The following XYLT1 variants were observed in gnomAD, a reference collection of about 807,000 sequenced individuals.
XYLT1 encodes the protein beta-D-xylosyltransferase 1.
Under a neutral mutation model 91.3 loss-of-function variants are expected in XYLT1, and 36 were observed. The ratio of observed to expected loss-of-function variants is 0.39; its 90% CI spans 0.30 to 0.52. The LOEUF (loss-of-function observed/expected upper bound fraction) is 0.52, where lower values mean the gene tolerates loss of function less well. Ranked by LOEUF, XYLT1 falls within the 20% of genes least tolerant of loss-of-function variation. The probability of loss-of-function intolerance (pLI) is 0.68; values close to 1 mark genes in which losing one functional copy is unlikely to be tolerated. For synonymous variants in XYLT1, 588 were observed against 532.0 expected (o/e 1.11, Z -1.45); for missense variants, 1,242 against 1,284.5 (o/e 0.97, Z 0.51).
intron 3 of XYLT1, among the ~76,000 whole-genome samples, chr16:17,209,835 G>C (rs896027920): frequency 2.6e-5 from 4 of 152,244 alleles, no homozygotes; most frequent in African/African-American, 9.6e-5. Flanking sequence ...CTAATCACAT[G>C]GCTGGAGAGT....
intron 2 of XYLT1, among the ~76,000 whole-genome samples, chr16:17,349,944 G>A (rs1216170073): frequency 6.6e-6 from 1 of 151,844 alleles, no homozygotes; most frequent in East Asian, 1.9e-4. Flanking sequence ...TGCAATCTCA[G>A]CTCACTGCAA....
chr16:17,145,314 C>T (rs2141525615), intron 6 of XYLT1, among the ~76,000 whole-genome samples: 2 of 152,270 alleles, frequency 1.3e-5, no homozygotes, highest in East Asian at 3.9e-4. Context: ...GTATCCTCAC[C>T]CTAGCACCAG....
intron 5 of XYLT1, among the ~76,000 whole-genome samples, chr16:17,160,217 T>C (rs2031514618): frequency 6.6e-6 from 1 of 152,140 alleles, no homozygotes; most frequent in South Asian, 2.1e-4. Context: ...GGTTGAAAAT[T>C]AAACATGCCC....
chr16:17,140,681 A>C (rs1018310861), intron 7 of XYLT1, among the ~76,000 whole-genome samples: 2 of 148,030 alleles, frequency 1.4e-5, no homozygotes, highest in Admixed American at 6.7e-5. Flanking sequence ...AAAAAAAAAA[A>C]AAAAAAAAAA....
At chr16:17,262,761 T>C (rs2033742115) in intron 2 of XYLT1, among the ~76,000 whole-genome samples, 1 of 151,946 alleles carries the variant, frequency 6.6e-6, no homozygotes, top group African/African-American at 2.4e-5. Flanking sequence ...CCATGTGGAG[T>C]AGAGACTCTA....
chr16:17,395,621 T>C (rs1337950859), intron 1 of XYLT1, among the ~76,000 whole-genome samples: 1 of 152,186 alleles, frequency 6.6e-6, no homozygotes, highest in Non-Finnish European at 1.5e-5. Flanking sequence ...TTATAATACT[T>C]TGAGCTCTGC....
chr16:17,255,661 G>C (rs569359065), intron 3 of XYLT1, among the ~76,000 whole-genome samples: 1 of 152,154 alleles, frequency 6.6e-6, no homozygotes, highest in South Asian at 2.1e-4. Flanking sequence ...CTTAGACAAG[G>C]GTGAAACAGC....
chr16:17,322,710 A>G (rs1027088891), intron 2 of XYLT1, among the ~76,000 whole-genome samples: 5 of 152,106 alleles, frequency 3.3e-5, no homozygotes, highest in African/African-American at 1.2e-4. Context: ...AGCCCTGCCA[A>G]CTCACTGACC....
At chr16:17,251,551 C>T (rs777875511) in intron 3 of XYLT1, among the ~76,000 whole-genome samples, 15 of 152,288 alleles carry the variant, frequency 9.8e-5, no homozygotes, top group East Asian at 3.9e-4. Context: ...GCAGGAGCAA[C>T]GCAAGGAGCC....
At chr16:17,421,272 C>G (rs1206540726) in intron 1 of XYLT1, among the ~76,000 whole-genome samples, 1 of 152,146 alleles carries the variant, frequency 6.6e-6, no homozygotes, top group Admixed American at 6.5e-5. Context: ...CCTGAAAAAT[C>G]CCTGCCAATT....
intron 1 of XYLT1, among the ~76,000 whole-genome samples, chr16:17,440,982 T>A: frequency 6.6e-6 from 1 of 152,282 alleles, no homozygotes; most frequent in Non-Finnish European, 1.5e-5. Context: ...TATGTTCTGA[T>A]GGCTGAATGA....
chr16:17,407,273 A>T (rs2036045559), intron 1 of XYLT1, among the ~76,000 whole-genome samples: 2 of 152,186 alleles, frequency 1.3e-5, no homozygotes. Context: ...TGCTAGGATT[A>T]CAGGCAGGAG....
At chr16:17,322,569 G>A (rs543322997) in intron 2 of XYLT1, among the ~76,000 whole-genome samples, 19 of 152,160 alleles carry the variant, frequency 1.2e-4, no homozygotes, top group South Asian at 2.1e-4. Context: ...TCGAATTCCA[G>A]CCTGCCTCAG....
chr16:17,160,299 G>A (rs2031516328), intron 5 of XYLT1, among the ~76,000 whole-genome samples: 1 of 152,112 alleles, frequency 6.6e-6, no homozygotes, highest in African/African-American at 2.4e-5. Flanking sequence ...ACACAGTAGG[G>A]GCACAATCAA....
rs747909036 is a variant in XYLT1 at position 17,200,557 on chromosome 16, A to T, written c.1011T>A (p.Arg337=). The stretch of plus-strand genomic sequence containing the variant: ...ACATGCGCTGCAACTGCCGAGAGGC[A>T]CGGCCGTGGACCACCAGGACAAAGG... ...RIAFVLVVHG[R]ASRQLQRMFK... Residue 337 remains arginine, a synonymous_variant, in exon 4 of 12, where the codon CGT becomes CGA. Transcript: ENST00000261381. 1.7e-5 allele frequency: 27 copies of T among 1,614,080 alleles called. No homozygotes were observed. In the East Asian group the frequency reaches 6.0e-4, roughly 36 times the overall value.
At chr16:17,374,402 G>A (rs1002148039) in intron 1 of XYLT1, among the ~76,000 whole-genome samples, 1 of 150,008 alleles carries the variant, frequency 6.7e-6, no homozygotes, top group African/African-American at 2.5e-5. Flanking sequence ...ATCTTCATCA[G>A]GATCAGCCTT....
chr16:17,168,389 T>C (rs1336004236), intron 5 of XYLT1, among the ~76,000 whole-genome samples: 9 of 152,004 alleles, frequency 5.9e-5, no homozygotes, highest in Admixed American at 5.2e-4. Flanking sequence ...GAGCTAAAAA[T>C]TGGGTTCTCA....
At chr16:17,221,453 G>C (rs2032966424) in intron 3 of XYLT1, among the ~76,000 whole-genome samples, 1 of 152,148 alleles carries the variant, frequency 6.6e-6, no homozygotes, top group Non-Finnish European at 1.5e-5. Context: ...TGCCAAGGAA[G>C]AACAGGTTGA....
intron 8 of XYLT1, among the ~76,000 whole-genome samples, chr16:17,135,869 CTAAA>C (rs1225504872): frequency 1.3e-5 from 2 of 152,210 alleles, no homozygotes; most frequent in Non-Finnish European, 2.9e-5. Context: ...AGACAAGAGA[CTAAA>C]TAAATAGGTA....
Sources: gnomAD v4.1 joint callset for allele counts (sites outside exome capture counted in the v4.1 genomes callset) on GRCh38, gnomAD v4.1.1 for gene constraint, MANE v1.5 for transcripts, NCBI Gene and HGNC (gene_info 2026-07-23, HGNC 2026-07-21) for gene names.